PTPRK: variants seen among roughly 807,000 people sequenced by gnomAD.
PTPRK encodes receptor-type tyrosine-protein phosphatase kappa.
PTPRK carries 75 observed loss-of-function variants against 178.0 expected under a neutral mutation model. The ratio of observed to expected loss-of-function variants is 0.42; its 90% CI spans 0.35 to 0.51. PTPRK has a LOEUF of 0.51. PTPRK is among the 20% of genes least tolerant of loss of function. The pLI is 0.02. For missense variants in PTPRK, 1,441 were observed against 1,797.8 expected (o/e 0.80, Z 3.59); for synonymous variants, 637 against 620.6 (o/e 1.03, Z -0.39).
chr6:128,039,561 A>C (rs567707181), intron 13 of PTPRK, among the ~76,000 whole-genome samples: 1 of 152,308 alleles, frequency 6.6e-6, no homozygotes, highest in South Asian at 2.1e-4. Context: ...ATAATCATAT[A>C]CTTGTTTAAA....
intron 13 of PTPRK, among the ~76,000 whole-genome samples, chr6:128,050,814 TAC>T (rs1489051603): frequency 2.0e-5 from 3 of 152,220 alleles, no homozygotes; most frequent in African/African-American, 7.2e-5. Flanking sequence ...GTGTTGGGAT[TAC>T]AGGCACGAGT....
At chr6:128,266,155 T>A (rs1467883276) in intron 3 of PTPRK, among the ~76,000 whole-genome samples, 1 of 152,090 alleles carries the variant, frequency 6.6e-6, no homozygotes. Flanking sequence ...AGCACACACA[T>A]TTTCTTGCAG....
At chr6:128,178,681 ATCT>A (rs1218924706) in intron 7 of PTPRK, among the ~76,000 whole-genome samples, 1 of 151,528 alleles carries the variant, frequency 6.6e-6, no homozygotes, top group Non-Finnish European at 1.5e-5. Flanking sequence ...CTATCTATCT[ATCT>A]ATCTATCTAT....
At chr6:128,098,720 C>A (rs573564877) in intron 7 of PTPRK, among the ~76,000 whole-genome samples, 1 of 152,092 alleles carries the variant, frequency 6.6e-6, no homozygotes, top group Non-Finnish European at 1.5e-5. Flanking sequence ...GTGATATCTA[C>A]ACTAAAATAG....
At chr6:128,027,383 T>C (rs1417898230) in intron 13 of PTPRK, among the ~76,000 whole-genome samples, 1 of 152,104 alleles carries the variant, frequency 6.6e-6, no homozygotes, top group Non-Finnish European at 1.5e-5. Flanking sequence ...GGCTGTTTAG[T>C]TATCACATGA....
intron 7 of PTPRK, among the ~76,000 whole-genome samples, chr6:128,152,356 C>T (rs1188650276): frequency 6.6e-6 from 1 of 151,932 alleles, no homozygotes; most frequent in Admixed American, 6.6e-5. Context: ...AACCAATGAG[C>T]ACAGTGACAG....
At chr6:128,294,986 C>G (rs1221691399) in intron 3 of PTPRK, among the ~76,000 whole-genome samples, 1 of 151,896 alleles carries the variant, frequency 6.6e-6, no homozygotes, top group Non-Finnish European at 1.5e-5. Flanking sequence ...CAGTATGAAA[C>G]AGATATGTTT....
intron 1 of PTPRK, among the ~76,000 whole-genome samples, chr6:128,498,047 AC>A (rs1854989245): frequency 6.6e-6 from 1 of 152,016 alleles, no homozygotes; most frequent in African/African-American, 2.4e-5. Flanking sequence ...GTAAAAAAAA[AC>A]AAAAACAAAA....
chr6:128,007,956 C>A, intron 14 of PTPRK: 1 of 917,964 alleles, frequency 1.1e-6, no homozygotes, highest in Non-Finnish European at 1.6e-6. Flanking sequence ...ATGTATTTTC[C>A]AACCACAGAG....
At chr6:128,009,677 A>G (rs1318098100) in intron 13 of PTPRK, among the ~76,000 whole-genome samples, 1 of 151,196 alleles carries the variant, frequency 6.6e-6, no homozygotes, top group Non-Finnish European at 1.5e-5. Flanking sequence ...TTGGTGCTTT[A>G]AGGCAGTATT....
Position 128,321,741 on chromosome 6 carries a change from A to G in PTPRK, c.495+298T>C, listed in dbSNP as rs1023428801. 11 of 684,992 alleles carry G rather than the reference A, an allele frequency of 1.6e-5. No homozygotes were observed. The African/African-American group carries it at 1.6e-4, about 10-fold the overall frequency. 42.4% of individuals were successfully genotyped at this position (684,992 alleles called of 1,614,324 possible). A position where few individuals can be genotyped will look rare whatever the true frequency, so the allele number is the denominator to read the frequency against. ...TAAGTAGCTCTTTGTCAAACCACCAACAAATTTTGGACCTAAACTTATTTT... is the reference window on the plus strand; with the variant it reads ...TAAGTAGCTCTTTGTCAAACCACCAGCAAATTTTGGACCTAAACTTATTTT... On this transcript the variant is annotated intron_variant, in intron 3 of 29. Transcript: ENST00000368226.
chr6:128,312,794 A>G (rs1827433066), intron 3 of PTPRK, among the ~76,000 whole-genome samples: 1 of 151,846 alleles, frequency 6.6e-6, no homozygotes, highest in Non-Finnish European at 1.5e-5. Context: ...AACACAGACT[A>G]GTGCTAAGCA....
chr6:128,053,481 A>G (rs937546506), intron 13 of PTPRK, among the ~76,000 whole-genome samples: 7 of 151,838 alleles, frequency 4.6e-5, no homozygotes, highest in African/African-American at 1.7e-4. Context: ...GGATTCTGAT[A>G]CCTCACACCA....
At chr6:128,138,795 T>C (rs951127914) in intron 7 of PTPRK, among the ~76,000 whole-genome samples, 3 of 151,940 alleles carry the variant, frequency 2.0e-5, no homozygotes, top group Non-Finnish European at 4.4e-5. Flanking sequence ...GTTTTCAGAG[T>C]GGCAGAATAG....
intron 2 of PTPRK, among the ~76,000 whole-genome samples, chr6:128,328,462 G>GATA (rs1829856218): frequency 6.6e-6 from 1 of 152,184 alleles, no homozygotes; most frequent in African/African-American, 2.4e-5. Context: ...CTATATGTGA[G>GATA]ATAAATTACC....
chr6:128,110,514 T>C (rs902310661), intron 7 of PTPRK, among the ~76,000 whole-genome samples: 16 of 151,980 alleles, frequency 1.1e-4, no homozygotes, highest in African/African-American at 3.9e-4. Flanking sequence ...TATCTTTTGG[T>C]ACCAGTCACC....
intron 7 of PTPRK, among the ~76,000 whole-genome samples, chr6:128,091,193 C>G (rs758122900): frequency 5.9e-5 from 9 of 152,080 alleles, no homozygotes; most frequent in Non-Finnish European, 1.2e-4. Flanking sequence ...GAATCTAATG[C>G]TTAGGTTTTA....
At chr6:127,991,610 T>A (rs1224061475) in intron 19 of PTPRK, among the ~76,000 whole-genome samples, 1 of 146,342 alleles carries the variant, frequency 6.8e-6, no homozygotes, top group Non-Finnish European at 1.5e-5. Context: ...CAATTTGCCC[T>A]CTACACTTCC....
At chr6:128,092,026 G>T (rs1787056003) in intron 7 of PTPRK, among the ~76,000 whole-genome samples, 2 of 151,782 alleles carry the variant, frequency 1.3e-5, no homozygotes, top group Admixed American at 6.6e-5. Flanking sequence ...TTGTTTTGGT[G>T]TCTTTAAATG....
Sources: gnomAD v4.1 joint callset for allele counts (sites outside exome capture counted in the v4.1 genomes callset) on GRCh38, gnomAD v4.1.1 for gene constraint, MANE v1.5 for transcripts, NCBI Gene and HGNC (gene_info 2026-07-23, HGNC 2026-07-21) for gene names.